The following PLA2G4F variants were observed in gnomAD, a reference collection of about 807,000 sequenced individuals.
PLA2G4F encodes phospholipase A2 group IVF.
In PLA2G4F, 105 loss-of-function variants were observed where a neutral mutation model predicts 103.1. The ratio of observed to expected loss-of-function variants is 1.02; its 90% CI spans 0.87 to 1.20. PLA2G4F has a LOEUF of 1.20. Ranked by LOEUF, PLA2G4F falls within the 50% of genes most tolerant of loss-of-function variation. The pLI, the probability that PLA2G4F is intolerant of heterozygous loss-of-function variation, is 0.00. For missense variants in PLA2G4F, 1,155 were observed against 1,075.9 expected (o/e 1.07, Z -1.03); for synonymous variants, 468 against 441.1 (o/e 1.06, Z -0.76).
In PLA2G4F at chr15:42,142,015, C is replaced by CCTCTCT. The variant is rs749621003; in HGVS notation, c.2518_2519insAGAGAG (p.Arg840delinsGlnArgGly). The CCTCTCT allele has an allele frequency of 6.2e-7, 1 of 1,614,028 alleles. No individual in the cohort carries two copies. Among genetic ancestry groups the CCTCTCT allele is most frequent in the Non-Finnish European group, 8.5e-7 (1 of 1,180,010 alleles). On this transcript the variant is annotated protein_altering_variant, in exon 20 of 20. Coordinates refer to ENST00000397272, the MANE Select transcript of PLA2G4F (RefSeq NM_213600.4). ...CCCTGCCCTCTCCCGAGCCTGGTGC[C>CCTCTCT]GGTCCAGAGCCAGCTGGAGGGCGCA...
rs753038996 is a variant in PLA2G4F, at chr15:42,153,362, C to T, written c.492-20G>A. 1 of 1,612,206 alleles carries T rather than the reference C, an allele frequency of 6.2e-7. No individual in the cohort carries two copies. The highest frequency in any genetic ancestry group is 1.1e-5 in the South Asian group (1 of 90,978). Reference sequence around the variant, plus strand: ...ACCTGGCTGCAAAGGATGAGGAATACATGGAGAATACATCTGGCCCCATCA... The same window carrying T: ...ACCTGGCTGCAAAGGATGAGGAATATATGGAGAATACATCTGGCCCCATCA... On this transcript the variant is annotated intron_variant, in intron 5 of 19. Coordinates refer to ENST00000397272, the MANE Select transcript of PLA2G4F (RefSeq NM_213600.4).
chr15:42,146,582 C>G, intron 13 of PLA2G4F: 1 of 262,562 alleles, frequency 3.8e-6, no homozygotes, highest in Non-Finnish European at 7.4e-6. Context: ...TACTAGAAAA[C>G]GTGGATTATT....
chr15:42,143,183 A>T (rs1248459189), intron 18 of PLA2G4F, among the ~76,000 whole-genome samples: 11 of 63,992 alleles, frequency 1.7e-4, no homozygotes, highest in African/African-American at 4.6e-4. Context: ...ATCTAAAAAA[A>T]AAAAAAAAAA....
chr15:42,145,060 C>T (rs1365594855), intron 16 of PLA2G4F, among the ~76,000 whole-genome samples: 2 of 152,110 alleles, frequency 1.3e-5, no homozygotes, highest in Non-Finnish European at 2.9e-5. Flanking sequence ...GGGAAAGTCA[C>T]ATAAAGAGAG....
At chr15:42,142,322 G>C in intron 19 of PLA2G4F, 118 bp from the exon 20 acceptor site, 4 of 1,171,506 alleles carry the variant, frequency 3.4e-6, no homozygotes, top group Non-Finnish European at 4.7e-6. Flanking sequence ...GGCCCTGCTT[G>C]GGCCACATCT....
At chr15:42,142,929 C>A (rs1408629818) in intron 18 of PLA2G4F, among the ~76,000 whole-genome samples, 1 of 151,892 alleles carries the variant, frequency 6.6e-6, no homozygotes, top group Non-Finnish European at 1.5e-5. Context: ...GCCTGTAATC[C>A]CAGCACTTTG....
At chr15:42,147,893 T>C (rs2048911372) in intron 11 of PLA2G4F, 131 bp from the exon 12 acceptor site, 2 of 1,378,544 alleles carry the variant, frequency 1.5e-6, no homozygotes, top group Non-Finnish European at 1.9e-6. Context: ...AGCAACCCAA[T>C]GAGAACCCCA....
chr15:42,153,073 C>T (rs2048975921), intron 6 of PLA2G4F, among the ~76,000 whole-genome samples: 1 of 152,140 alleles, frequency 6.6e-6, no homozygotes, highest in Non-Finnish European at 1.5e-5. Flanking sequence ...AGCCAGAGGC[C>T]CAAGTGAGTA....
At chr15:42,146,277 A>T in intron 13 of PLA2G4F, 36 bp from the exon 14 acceptor site, 1 of 1,591,594 alleles carries the variant, frequency 6.3e-7, no homozygotes. Context: ...TTGGCCTTTC[A>T]GGAGTTCCAT....
intron 11 of PLA2G4F, 111 bp from the exon 12 acceptor site, chr15:42,147,873 G>A: frequency 6.9e-7 from 1 of 1,452,148 alleles, no homozygotes. Flanking sequence ...TTATCTCATT[G>A]AATCCTCACA....
chr15:42,146,951 G>T, intron 13 of PLA2G4F, 173 bp downstream of exon 13: 1 of 635,702 alleles, frequency 1.6e-6, no homozygotes, highest in Non-Finnish European at 2.7e-6. Context: ...TAGGAGCTAG[G>T]GAGGCAAAAT....
At position 42,141,804 on chromosome 15, in the gene PLA2G4F, C is replaced by T. The variant is rs1595614464; in HGVS notation, c.*180G>A. 1 of 648,122 alleles carries T rather than the reference C, an allele frequency of 1.5e-6. No individual in the cohort carries two copies. Among genetic ancestry groups the T allele is most frequent in the Non-Finnish European group, 2.7e-6 (1 of 371,070 alleles). The allele number at this position is 648,122 out of a possible 1,614,324, so 40.1% of individuals were successfully genotyped here. Reference sequence around the variant, plus strand: ...TTCTCCAAAAACACACAAGGAGAGCCCTGCCCCAGTCCAAGCTGCAATTCT... The same window carrying T: ...TTCTCCAAAAACACACAAGGAGAGCTCTGCCCCAGTCCAAGCTGCAATTCT... On this transcript the variant is annotated 3_prime_UTR_variant, in exon 20 of 20. Coordinates refer to ENST00000397272, the MANE Select transcript of PLA2G4F (RefSeq NM_213600.4).
At chr15:42,150,945 G>T (rs949279597) in intron 7 of PLA2G4F, 168 bp from the exon 8 acceptor site, 2 of 985,284 alleles carry the variant, frequency 2.0e-6, no homozygotes, top group Non-Finnish European at 2.4e-6. Flanking sequence ...AAAGCCTCTG[G>T]AAGGACTCTT....
chr15:42,143,481 G>C (rs1476978201), intron 18 of PLA2G4F, among the ~76,000 whole-genome samples: 1 of 152,174 alleles, frequency 6.6e-6, no homozygotes, highest in African/African-American at 2.4e-5. Context: ...CCAAAGGAAG[G>C]GCTGCTCCAG....
At chr15:42,153,755 G>C (rs1158391249) in intron 4 of PLA2G4F, 95 bp from the exon 5 acceptor site, 3 of 1,377,338 alleles carry the variant, frequency 2.2e-6, no homozygotes, top group African/African-American at 1.4e-5. Flanking sequence ...CCAGGGGCTA[G>C]AAGGGGAGAC....
chr15:42,144,261 G>A, intron 17 of PLA2G4F, 117 bp from the exon 18 acceptor site: 5 of 1,414,258 alleles, frequency 3.5e-6, no homozygotes, highest in Non-Finnish European at 4.8e-6. Flanking sequence ...GACAGCCATG[G>A]AGACTCCTGC....
Position 42,147,334 on chromosome 15 carries a change from T to C in PLA2G4F, c.1209A>G (p.Thr403=), listed in dbSNP as rs201687925. 2 of 1,606,632 alleles carry C rather than the reference T, an allele frequency of 1.2e-6. No homozygotes were observed. The highest frequency in any genetic ancestry group is 1.3e-5 in the African/African-American group (1 of 74,714). Residue 403 remains threonine, a synonymous_variant, in exon 13 of 20, where the codon ACA becomes ACG. Transcript: ENST00000397272. ...GVSGSTWCIS[T]LYRDPAWSQV... ...GGGACCAGGCTGGGTCCCTGTAGAGTGTGGAGATGCACCTGGGGATTGGAG... is the reference window on the plus strand; with the variant it reads ...GGGACCAGGCTGGGTCCCTGTAGAGCGTGGAGATGCACCTGGGGATTGGAG...
Position 42,142,571 on chromosome 15 carries a change from G to A in PLA2G4F, c.2286C>T (p.His762=). Residue 762 remains histidine (H), a synonymous_variant, in exon 19 of 20, where the codon CAC becomes CAT. Coordinates refer to ENST00000397272, the MANE Select transcript of PLA2G4F (RefSeq NM_213600.4). Reference sequence around the variant, plus strand: ...GGAAGGTACGGTTAACCAGGGGGAAGTGCAGCACAATGGGGGAGCGGGGGT... The same window carrying A: ...GGAAGGTACGGTTAACCAGGGGGAAATGCAGCACAATGGGGGAGCGGGGGT... ...AEDPRSPIVL[H]FPLVNRTFRT... 3 of 1,614,104 alleles carry A rather than the reference G, an allele frequency of 1.9e-6. No homozygotes were observed. The highest frequency in any genetic ancestry group is 2.5e-6 in the Non-Finnish European group (3 of 1,179,984).
Position 42,141,387 on chromosome 15 carries a change from G to C in PLA2G4F, c.*597C>G, listed in dbSNP as rs1206461144. On this transcript the variant is annotated 3_prime_UTR_variant, in exon 20 of 20. Coordinates refer to ENST00000397272, the MANE Select transcript of PLA2G4F (RefSeq NM_213600.4). ...TTTAGGGCGCTGGGAAGAGAAGGGT[G>C]ATCTGGGAGGAGGCACGAGGAGACC... is the stretch of plus-strand genomic sequence containing the variant. 5 of 456,442 alleles carry C rather than the reference G, an allele frequency of 1.1e-5. No individual in the cohort carries two copies. The highest frequency in any genetic ancestry group is 1.8e-5 in the Non-Finnish European group (4 of 226,882). The allele number at this position is 456,442 out of a possible 1,614,324, so 28.3% of individuals were successfully genotyped here.
Sources: allele counts gnomAD v4.1 joint callset (sites outside exome capture counted in the v4.1 genomes callset), GRCh38; gene constraint gnomAD v4.1.1; transcripts MANE v1.5; gene names NCBI Gene and HGNC (gene_info 2026-07-23, HGNC 2026-07-21).